MGAT5B: variants seen among roughly 807,000 people sequenced by gnomAD.
The protein encoded by MGAT5B is alpha-1,6-mannosylglycoprotein 6-beta-N-acetylglucosaminyltransferase B, also known as N-acetylglucosaminyl-transferase Vb.
MGAT5B carries 54 observed loss-of-function variants against 95.1 expected under a neutral mutation model. That is an observed-to-expected ratio of 0.57 (90% CI 0.46 to 0.71). MGAT5B has a LOEUF of 0.71. MGAT5B is among the 30% of genes least tolerant of loss of function. The probability of loss-of-function intolerance (pLI) is 0.00; values close to 1 mark genes in which losing one functional copy is unlikely to be tolerated. For synonymous variants in MGAT5B, 464 were observed against 451.0 expected (o/e 1.03, Z -0.36); for missense variants, 935 against 1,088.6 (o/e 0.86, Z 1.99).
At position 76,949,270 on chromosome 17, in the gene MGAT5B, G is replaced by GAAGGGTCC. The variant is rs1370389823; in HGVS notation, c.*437_*444dup. The stretch of plus-strand genomic sequence containing the variant: ...GGGACCAGGCTGCCCCACGGTCCCT[G>GAAGGGTCC]AAGGGTCCAAGGAGGGGCCCTCCCC... On this transcript the variant is annotated 3_prime_UTR_variant, in exon 18 of 18. Coordinates refer to ENST00000569840, the MANE Select transcript of MGAT5B (RefSeq NM_001199172.2). The GAAGGGTCC allele has an allele frequency of 1.0e-5, 2 of 191,424 alleles. No individual in the cohort carries two copies. The highest frequency in any genetic ancestry group is 2.2e-5 in the Non-Finnish European group (2 of 92,380). The allele number at this position is 191,424 out of a possible 1,614,324, so 11.9% of individuals were successfully genotyped here.
chr17:76,932,878 C>T (rs1969539895), intron 11 of MGAT5B, 103 bp downstream of exon 11: 2 of 1,481,036 alleles, frequency 1.4e-6, no homozygotes, highest in Non-Finnish European at 9.0e-7. Context: ...CTCCTCCCGC[C>T]CCAGCCCTGC....
At chr17:76,907,103 G>A (rs1191641484) in intron 8 of MGAT5B, among the ~76,000 whole-genome samples, 1 of 151,182 alleles carries the variant, frequency 6.6e-6, no homozygotes, top group East Asian at 1.9e-4. Context: ...CCAGGCTGGA[G>A]TGCAGTGGCG....
intron 13 of MGAT5B, among the ~76,000 whole-genome samples, chr17:76,939,634 T>C (rs1179254132): frequency 2.0e-5 from 3 of 152,172 alleles, no homozygotes; most frequent in Non-Finnish European, 4.4e-5. Flanking sequence ...GTAGTGAGGA[T>C]AGTACCCAGT....
chr17:76,869,129 A>AG lies in MGAT5B; in HGVS notation c.68+38dup, dbSNP rs778090581. ...TTCCCTCCTGGTTGGTTTTTTCCCC[A>AG]GGGGGGCGCCGGGTGGAGGTGGGCG... On this transcript the variant is annotated intron_variant, in intron 1 of 17. Coordinates refer to ENST00000569840, the MANE Select transcript of MGAT5B (RefSeq NM_001199172.2). This position sits in a 1 kb window ranked among gnomAD's most constrained non-coding sequence, Gnocchi z 7.0. 6.3e-7 allele frequency: 1 copy of AG among 1,599,890 alleles called. No homozygotes were observed. The highest frequency in any genetic ancestry group is 1.1e-5 in the South Asian group (1 of 90,760).
At position 76,868,716 on chromosome 17, in the gene MGAT5B, G is replaced by T. The variant is rs546801168; in HGVS notation, c.-314G>T. 262 of 165,708 alleles carry T rather than the reference G, an allele frequency of 1.6e-3. 1 individual carries two copies. The highest frequency in any genetic ancestry group is 6.1e-3 in the African/African-American group (257 of 41,840). 10.3% of individuals were successfully genotyped at this position (165,708 alleles called of 1,614,324 possible). A position where few individuals can be genotyped will look rare whatever the true frequency, so the allele number is the denominator to read the frequency against. ...GCCGCGGCACCTTCCCGCCCAGCGA[G>T]CGAGCCCGAGCAGGCAGACGCGCGG... On this transcript the variant is annotated 5_prime_UTR_variant, in exon 1 of 18. Transcript: ENST00000569840. This position sits in a 1 kb window ranked among gnomAD's most constrained non-coding sequence, Gnocchi z 6.3.
chr17:76,904,755 A>G (rs1968457444), intron 6 of MGAT5B, among the ~76,000 whole-genome samples: 1 of 152,226 alleles, frequency 6.6e-6, no homozygotes, highest in Non-Finnish European at 1.5e-5. Flanking sequence ...GTTCCCAGCC[A>G]TCCTTGTATG....
intron 3 of MGAT5B, among the ~76,000 whole-genome samples, chr17:76,888,083 G>A (rs1967727735): frequency 6.6e-6 from 1 of 152,180 alleles, no homozygotes; most frequent in African/African-American, 2.4e-5. Flanking sequence ...ACCACACACA[G>A]CCCAACCCCA....
intron 3 of MGAT5B, among the ~76,000 whole-genome samples, chr17:76,900,328 T>C (rs964832406): frequency 9.2e-5 from 14 of 152,210 alleles, no homozygotes; most frequent in African/African-American, 2.9e-4. Flanking sequence ...GCATTCAACT[T>C]TGTGCTCCAA....
intron 3 of MGAT5B, among the ~76,000 whole-genome samples, chr17:76,885,259 C>T (rs915338260): frequency 6.6e-6 from 1 of 152,190 alleles, no homozygotes; most frequent in African/African-American, 2.4e-5. Context: ...GATCCAGCCC[C>T]TGCCCCCCAG....
At chr17:76,899,234 A>G (rs1968213624) in intron 3 of MGAT5B, among the ~76,000 whole-genome samples, 2 of 152,200 alleles carry the variant, frequency 1.3e-5, no homozygotes, top group South Asian at 4.2e-4. Context: ...ACAGGCGCCC[A>G]GTTTTTCTCC....
In MGAT5B at chr17:76,906,363, C is replaced by T. The variant is rs574832410; in HGVS notation, c.1025+176C>T. Among the ~76,000 whole-genome samples the T allele has an allele frequency of 6.6e-5, 10 of 152,342 alleles. No individual in the cohort carries two copies. The South Asian group carries it at 2.1e-3, about 32-fold the overall frequency. On this transcript the variant is annotated intron_variant, in intron 8 of 17. Coordinates refer to ENST00000569840, the MANE Select transcript of MGAT5B (RefSeq NM_001199172.2). The surrounding 1 kb of genome is among the most constrained non-coding windows in gnomAD (Gnocchi z 4.6). ...GGACATCACCACTCCTAATCCCCCTCCTCCTGCCCGGTCTTGGGGGATGTG... is the reference window on the plus strand; with the variant it reads ...GGACATCACCACTCCTAATCCCCCTTCTCCTGCCCGGTCTTGGGGGATGTG...
chr17:76,894,050 C>G (rs1416273218), intron 3 of MGAT5B, among the ~76,000 whole-genome samples: 1 of 152,234 alleles, frequency 6.6e-6, no homozygotes, highest in Non-Finnish European at 1.5e-5. Flanking sequence ...CAGTGTTCCA[C>G]TTGTGGCTCC....
intron 3 of MGAT5B, among the ~76,000 whole-genome samples, chr17:76,891,113 C>T (rs1480238242): frequency 1.3e-5 from 2 of 150,080 alleles, no homozygotes; most frequent in East Asian, 4.0e-4. Flanking sequence ...TACAGGTGCA[C>T]ACCACCACAC....
intron 3 of MGAT5B, among the ~76,000 whole-genome samples, chr17:76,896,407 A>G (rs972106026): frequency 2.6e-5 from 4 of 152,238 alleles, no homozygotes; most frequent in African/African-American, 9.6e-5. Context: ...TTACACAGAC[A>G]TGCTTGTCGC....
In MGAT5B at chr17:76,907,968, G is replaced by A. The variant is rs150173897; in HGVS notation, c.1025+1781G>A. 3.5e-3 allele frequency among the ~76,000 whole-genome samples: 539 copies of A among 152,216 alleles called. 2 individuals carry two copies. Among genetic ancestry groups the A allele is most frequent in the South Asian group, 0.013 (62 of 4,808 alleles). On this transcript the variant is annotated intron_variant, in intron 8 of 17. Transcript: ENST00000569840. Reference sequence around the variant, plus strand: ...GAGCATCCTGTCCTGTGGTTCTTTCGTCTTGATGAGATGCCCATTGATATG... The same window carrying A: ...GAGCATCCTGTCCTGTGGTTCTTTCATCTTGATGAGATGCCCATTGATATG...
intron 10 of MGAT5B, among the ~76,000 whole-genome samples, chr17:76,928,806 G>C (rs1430140507): frequency 6.6e-6 from 1 of 152,140 alleles, no homozygotes. Context: ...GAGGAGTGGG[G>C]TGTTTTAGCC....
At chr17:76,883,572 C>T (rs1967510903) in intron 3 of MGAT5B, among the ~76,000 whole-genome samples, 1 of 152,132 alleles carries the variant, frequency 6.6e-6, no homozygotes, top group South Asian at 2.1e-4. Flanking sequence ...TCAGGCTGTC[C>T]CAACTGGCCC....
At position 76,938,030 on chromosome 17, in the gene MGAT5B, A is replaced by G; in HGVS notation, c.1471A>G (p.Ile491Val). The change falls in exon 13 of 18, where the codon ATC becomes GTC. Residue 491 changes from isoleucine to valine, a missense_variant. Coordinates refer to ENST00000569840, the MANE Select transcript of MGAT5B (RefSeq NM_001199172.2). The surrounding 1 kb of genome is among the most constrained non-coding windows in gnomAD (Gnocchi z 4.3). ...GGGCATCCTGAACAAATACATGGAG[A>G]TCCATGGCACCGTGTACTACGAGAG... ...FLGILNKYME[I>V]HGTVYYESQR... is the part of the protein sequence containing the mutation. The G allele has an allele frequency of 6.2e-7, 1 of 1,614,190 alleles. No homozygotes were observed. Among genetic ancestry groups the G allele is most frequent in the Non-Finnish European group, 8.5e-7 (1 of 1,180,022 alleles).
chr17:76,925,074 G>T lies in MGAT5B; in HGVS notation c.1134G>T (p.Met378Ile), dbSNP rs200015788. Residue 378 changes from methionine to isoleucine, a missense_variant, in exon 9 of 18, where the codon ATG becomes ATT. This residue lies in a region of MGAT5B where 243 missense variants were observed against 305.5 expected (regional missense o/e 0.80). Transcript: ENST00000569840. Reference protein sequence around the residue: ...YHGLQQMKRHMGLSFKKYRCR... With the variant: ...YHGLQQMKRHIGLSFKKYRCR... Reference sequence around the variant, plus strand: ...GCCTGCAGCAGATGAAGCGGCACATGGGACTCTCCTTCAAGAAGTACCGGT... The same window carrying T: ...GCCTGCAGCAGATGAAGCGGCACATTGGACTCTCCTTCAAGAAGTACCGGT... The T allele has an allele frequency of 6.2e-7, 1 of 1,611,390 alleles. No individual in the cohort carries two copies.
Sources: gnomAD v4.1 joint callset for allele counts (sites outside exome capture counted in the v4.1 genomes callset) on GRCh38, gnomAD v4.1.1 for gene constraint, gnomAD v4.1.1 regional missense constraint, Gnocchi (gnomAD v3.1) non-coding constraint, MANE v1.5 for transcripts, NCBI Gene and HGNC (gene_info 2026-07-23, HGNC 2026-07-21) for gene names.